GRIN2B: variants seen among roughly 807,000 people sequenced by gnomAD.
GRIN2B encodes glutamate receptor ionotropic, NMDA 2B.
In GRIN2B, 5 loss-of-function variants were observed where a neutral mutation model predicts 114.5. The ratio of observed to expected loss-of-function variants is 0.04; its 90% CI spans 0.02 to 0.09. The LOEUF is 0.09. Among genes scored for constraint, GRIN2B ranks in the 10% least tolerant of loss-of-function variants. The probability of loss-of-function intolerance (pLI) is 1.00; values close to 1 mark genes in which losing one functional copy is unlikely to be tolerated. For synonymous variants in GRIN2B, 787 were observed against 745.1 expected (o/e 1.06, Z -0.92); for missense variants, 1,108 against 1,943.5 (o/e 0.57, Z 8.08).
At chr12:13,856,228 G>A (rs188712300) in intron 3 of GRIN2B, among the ~76,000 whole-genome samples, 205 of 152,270 alleles carry the variant, frequency 1.3e-3, no homozygotes, top group Non-Finnish European at 1.1e-3. Context: ...AGAACCATTC[G>A]GGGAGCTGTA....
chr12:13,842,497 G>A (rs1214309589), intron 3 of GRIN2B, among the ~76,000 whole-genome samples: 1 of 152,076 alleles, frequency 6.6e-6, no homozygotes, highest in Non-Finnish European at 1.5e-5. Flanking sequence ...CTCCTTTTGT[G>A]ATGCATTCTG....
chr12:13,836,436 T>A (rs570406417), intron 3 of GRIN2B, among the ~76,000 whole-genome samples: 1 of 152,328 alleles, frequency 6.6e-6, no homozygotes, highest in South Asian at 2.1e-4. Flanking sequence ...AATGAAGTTA[T>A]GCCATGTGTG....
rs142613073 is a variant in GRIN2B at position 13,545,464 on chromosome 12, G to A, written c.*17319C>T. ...GTTTCCACTCAATAAATATCAACAT[G>A]GATAAGTCATTTATCCAAAACATGC... On this transcript the variant is annotated 3_prime_UTR_variant, in exon 14 of 14. Transcript: ENST00000609686. 11 of 152,168 alleles carry A rather than the reference G, an allele frequency of 7.2e-5. No homozygotes were observed. In the East Asian group the frequency reaches 2.1e-3, roughly 29 times the overall value. 9.4% of individuals were successfully genotyped at this position (152,168 alleles called of 1,614,324 possible).
In GRIN2B at chr12:13,664,342, C is replaced by G. The variant is rs753760421; in HGVS notation, c.1125+11403G>C. Among the ~76,000 whole-genome samples, 52 of 152,240 alleles carry G rather than the reference C, an allele frequency of 3.4e-4. 1 individual carries two copies. Among genetic ancestry groups the G allele is most frequent in the African/African-American group, 1.2e-3 (51 of 41,546 alleles). ...GGGTGGGGGAGAAGAACACTTTGCCCTGTGGAAATGTTTCCCAAATTTCAT... is the reference window on the plus strand; with the variant it reads ...GGGTGGGGGAGAAGAACACTTTGCCGTGTGGAAATGTTTCCCAAATTTCAT... On this transcript the variant is annotated intron_variant, in intron 5 of 13. Transcript: ENST00000609686.
At chr12:13,900,507 C>A (rs1337906382) in intron 2 of GRIN2B, among the ~76,000 whole-genome samples, 1 of 151,956 alleles carries the variant, frequency 6.6e-6, no homozygotes, top group Non-Finnish European at 1.5e-5. Flanking sequence ...AACATTTATG[C>A]ACATTGTTCC....
chr12:13,744,888 A>G (rs1003187611), intron 4 of GRIN2B, among the ~76,000 whole-genome samples: 1 of 152,102 alleles, frequency 6.6e-6, no homozygotes, highest in African/African-American at 2.4e-5. Flanking sequence ...CTCCTGCCAC[A>G]TATCTTCCTT....
intron 4 of GRIN2B, among the ~76,000 whole-genome samples, chr12:13,687,285 C>A (rs1458442753): frequency 6.6e-6 from 1 of 152,144 alleles, no homozygotes; most frequent in Non-Finnish European, 1.5e-5. Context: ...ACAGTTGATA[C>A]TCCCAGTTTT....
intron 2 of GRIN2B, among the ~76,000 whole-genome samples, chr12:13,897,493 C>T (rs924063475): frequency 4.6e-5 from 7 of 152,126 alleles, no homozygotes; most frequent in African/African-American, 1.7e-4. Context: ...AGATTTACAC[C>T]TTTACCTAAA....
At chr12:13,616,829 C>T (rs1949449867) in intron 5 of GRIN2B, among the ~76,000 whole-genome samples, 172 bp from the exon 6 acceptor site, 1 of 152,250 alleles carries the variant, frequency 6.6e-6, no homozygotes, top group Non-Finnish European at 1.5e-5. Context: ...CCAAATGAGA[C>T]TACTGTGTCC....
chr12:13,947,038 C>T (rs1444315146), intron 2 of GRIN2B, among the ~76,000 whole-genome samples: 1 of 152,174 alleles, frequency 6.6e-6, no homozygotes, highest in African/African-American at 2.4e-5. Context: ...GTGACACTTT[C>T]TCTAGCAGAT....
In GRIN2B at chr12:13,540,822, G is replaced by C. The variant is rs1411745559; in HGVS notation, c.*21961C>G. The C allele has an allele frequency of 6.6e-6, 1 of 152,254 alleles. No homozygotes were observed. Among genetic ancestry groups the C allele is most frequent in the African/African-American group, 2.4e-5 (1 of 41,440 alleles). 9.4% of individuals were successfully genotyped at this position (152,254 alleles called of 1,614,324 possible). ...GAAGGAGAGCCGGCCCCAGGGAGGA[G>C]TGTGGAGTCTGGGCCTCGCAGAGCT... On this transcript the variant is annotated 3_prime_UTR_variant, in exon 14 of 14. Transcript: ENST00000609686.
chr12:13,979,008 A>G (rs1259197112), intron 2 of GRIN2B, among the ~76,000 whole-genome samples: 1 of 152,222 alleles, frequency 6.6e-6, no homozygotes, highest in Admixed American at 6.5e-5. Context: ...TGCAAACAGC[A>G]CATCTCTTTG....
intron 2 of GRIN2B, among the ~76,000 whole-genome samples, chr12:13,910,177 T>C (rs1477220428): frequency 1.3e-5 from 2 of 152,178 alleles, no homozygotes; most frequent in African/African-American, 4.8e-5. Context: ...TAAATACTTA[T>C]TAAGTATCCC....
At chr12:13,638,763 C>G (rs1949686921) in intron 5 of GRIN2B, among the ~76,000 whole-genome samples, 1 of 152,062 alleles carries the variant, frequency 6.6e-6, no homozygotes, top group African/African-American at 2.4e-5. Flanking sequence ...TCCAAGAAGT[C>G]CTGTTACCCA....
intron 4 of GRIN2B, among the ~76,000 whole-genome samples, chr12:13,684,159 C>G (rs1030364111): frequency 2.0e-5 from 3 of 152,128 alleles, no homozygotes; most frequent in African/African-American, 7.2e-5. Context: ...GTCACTAAAT[C>G]ATACCACTTC....
intron 3 of GRIN2B, among the ~76,000 whole-genome samples, chr12:13,831,105 G>A (rs1025017266): frequency 3.9e-5 from 6 of 152,034 alleles, no homozygotes; most frequent in South Asian, 2.1e-4. Context: ...TCCTGCTTCC[G>A]CTCTCCCACC....
At chr12:13,697,393 G>A (rs1026848881) in intron 4 of GRIN2B, among the ~76,000 whole-genome samples, 25 of 152,222 alleles carry the variant, frequency 1.6e-4, no homozygotes, top group Admixed American at 1.1e-3. Flanking sequence ...AGCTGAGTCC[G>A]TATCCCTACC....
At chr12:13,678,366 G>A (rs1191369874) in intron 4 of GRIN2B, among the ~76,000 whole-genome samples, 1 of 151,982 alleles carries the variant, frequency 6.6e-6, no homozygotes, top group Non-Finnish European at 1.5e-5. Flanking sequence ...TTCAGATATG[G>A]TGCCATCGCT....
intron 2 of GRIN2B, among the ~76,000 whole-genome samples, chr12:13,885,694 C>G (rs1323327500): frequency 6.6e-6 from 1 of 152,150 alleles, no homozygotes; most frequent in Non-Finnish European, 1.5e-5. Flanking sequence ...AGGAATCTAC[C>G]AAGCTTCCTA....
Sources: gnomAD v4.1 joint callset for allele counts (sites outside exome capture counted in the v4.1 genomes callset) on GRCh38, gnomAD v4.1.1 for gene constraint, MANE v1.5 for transcripts, NCBI Gene and HGNC (gene_info 2026-07-23, HGNC 2026-07-21) for gene names.